The following CCDC68 variants were observed in gnomAD, a reference collection of about 807,000 sequenced individuals.
The protein encoded by CCDC68 is coiled-coil domain-containing protein 68.
In CCDC68, 45 loss-of-function variants were observed where a neutral mutation model predicts 47.1. The ratio of observed to expected loss-of-function variants is 0.96; its 90% CI spans 0.75 to 1.23. The LOEUF is 1.23. CCDC68 is among the 50% of genes most tolerant of loss of function. CCDC68 has a pLI of 0.00. For synonymous variants in CCDC68, 131 were observed against 129.5 expected, an observed-to-expected ratio of 1.01 and a Z score of -0.08; for missense variants, 353 against 373.6, an observed-to-expected ratio of 0.94 and a Z score of 0.45.
chr18:54,930,622 T>TCCCCCCCCCCCCCC (rs1568147318), intron 7 of CCDC68, among the ~76,000 whole-genome samples: 1 of 41,642 alleles, frequency 2.4e-5, no homozygotes, highest in Non-Finnish European at 4.8e-5. Context: ...TTCCCTTCCC[T>TCCCCCCCCCCCCCC]TCCCCTCCCT....
intron 9 of CCDC68, 108 bp downstream of exon 9, chr18:54,919,163 G>A (rs1210546639): frequency 3.7e-6 from 3 of 811,978 alleles, no homozygotes; most frequent in Admixed American, 1.8e-5. Flanking sequence ...GGATATGTCA[G>A]TAGGGAGAGA....
At chr18:54,912,675 G>A (rs992819436) in intron 10 of CCDC68, among the ~76,000 whole-genome samples, 5 of 152,062 alleles carry the variant, frequency 3.3e-5, no homozygotes, top group Non-Finnish European at 7.4e-5. Context: ...CAGTGTATTA[G>A]TCTGTACTGA....
chr18:54,931,404 G>T (rs2044258714), intron 7 of CCDC68, among the ~76,000 whole-genome samples: 1 of 152,208 alleles, frequency 6.6e-6, no homozygotes, highest in African/African-American at 2.4e-5. Context: ...TCCCTCACCA[G>T]GCTGATCGGA....
rs1390653583 is a variant in CCDC68, at chr18:54,919,336, G to T, written c.724C>A (p.Gln242Lys). 2 of 1,614,048 alleles carry T rather than the reference G, an allele frequency of 1.2e-6. No homozygotes were observed. Among genetic ancestry groups the T allele is most frequent in the South Asian group, 2.2e-5 (2 of 91,080 alleles). The change falls in exon 9 of 12, where the codon CAG becomes AAG. Residue 242 changes from glutamine to lysine, a missense_variant. By Grantham distance (53) the Gln-to-Lys change is moderately conservative. Transcript: ENST00000591504. ...ATCACAAACTGCAGATGAGAGATCT[G>T]CTCCTGGAGAATGGAAATCTCCCTC... is the stretch of plus-strand genomic sequence containing the variant. ...LQREISILQEQISHLQFVIHS... is the reference protein window; with the variant it reads ...LQREISILQEKISHLQFVIHS...
At chr18:54,937,890 T>G in intron 5 of CCDC68, 67 bp downstream of exon 5, 2 of 1,422,276 alleles carry the variant, frequency 1.4e-6, no homozygotes, top group Non-Finnish European at 1.9e-6. Flanking sequence ...GAGCCACAGA[T>G]GCTAACAACC....
Position 54,931,716 on chromosome 18 carries a change from T to C in CCDC68, c.601-2834A>G, listed in dbSNP as rs141737745. Among the ~76,000 whole-genome samples, 377 of 152,318 alleles carry C rather than the reference T, an allele frequency of 2.5e-3. 4 individuals are homozygous for C. Among genetic ancestry groups the C allele is most frequent in the East Asian group, 0.017 (88 of 5,190 alleles). ...CTGCTAGCAAACGGAACATATGCCA[T>C]ATTAAAATGCTCTTATTGGGCATTT... On this transcript the variant is annotated intron_variant, in intron 7 of 11. Transcript: ENST00000591504.
chr18:54,953,019 A>C lies in CCDC68; in HGVS notation c.-103+6317T>G, dbSNP rs550993863. On this transcript the variant is annotated intron_variant, in intron 1 of 11. Transcript: ENST00000591504. ...CAGAGTGAGACTCTGTTTCAAAAAAAAAAAAGGAATGTATTACGGATACAC... is the reference window on the plus strand; with the variant it reads ...CAGAGTGAGACTCTGTTTCAAAAAACAAAAAGGAATGTATTACGGATACAC... Among the ~76,000 whole-genome samples, 8 of 152,328 alleles carry C rather than the reference A, an allele frequency of 5.3e-5. No homozygotes were observed. In the East Asian group the frequency reaches 1.4e-3, roughly 26 times the overall value.
chr18:54,953,801 T>G (rs1323608471), intron 1 of CCDC68, among the ~76,000 whole-genome samples: 2 of 152,138 alleles, frequency 1.3e-5, no homozygotes, highest in Admixed American at 1.3e-4. Context: ...TCCAACAAGC[T>G]TTAAATCTAA....
At chr18:54,952,587 A>G (rs1233688147) in intron 1 of CCDC68, among the ~76,000 whole-genome samples, 1 of 152,212 alleles carries the variant, frequency 6.6e-6, no homozygotes, top group Admixed American at 6.5e-5. Flanking sequence ...ACAACCCAGA[A>G]ACCCCATGCC....
At chr18:54,951,890 T>C (rs1317015288) in intron 1 of CCDC68, among the ~76,000 whole-genome samples, 5 of 152,234 alleles carry the variant, frequency 3.3e-5, no homozygotes, top group East Asian at 3.9e-4. Flanking sequence ...TGGAAAATCA[T>C]TTAAACTCCC....
In CCDC68 at chr18:54,917,999, A is replaced by G. The variant is rs1377469136; in HGVS notation, c.790-3T>C. The stretch of plus-strand genomic sequence containing the variant: ...AAATTATTTTTTAATCCTTCCATCT[A>G]AGAATTAGAAAACACAATAGGAAAA... On this transcript the variant is annotated splice_polypyrimidine_tract_variant and splice_region_variant and intron_variant, in intron 9 of 11. Transcript: ENST00000591504. The G allele has an allele frequency of 1.5e-6, 2 of 1,317,988 alleles. No homozygotes were observed. Among genetic ancestry groups the G allele is most frequent in the African/African-American group, 1.5e-5 (1 of 68,320 alleles). The allele number at this position is 1,317,988 out of a possible 1,614,324, so 81.6% of individuals were successfully genotyped here.
intron 10 of CCDC68, among the ~76,000 whole-genome samples, chr18:54,909,553 C>G (rs1357783911): frequency 6.6e-6 from 1 of 152,298 alleles, no homozygotes; most frequent in African/African-American, 2.4e-5. Flanking sequence ...TTCACTCAGC[C>G]TGGCAGGCTG....
chr18:54,936,215 TATATATCTATATATTTTTAAAAA>T (rs941420574), intron 6 of CCDC68, among the ~76,000 whole-genome samples: 9 of 129,906 alleles, frequency 6.9e-5, no homozygotes, highest in African/African-American at 2.8e-4. Context: ...TATAGATAAA[TATATATCTATATATTTTTAAAAA>T]ATATATAGTT....
Position 54,928,791 on chromosome 18 carries a change from T to A in CCDC68, c.683+9A>T. ...GAACTGCCTTTACTTAACAGGTAGC[T>A]TCACAAACCTTTTTCCATATGTAGC... is the stretch of plus-strand genomic sequence containing the variant. On this transcript the variant is annotated intron_variant, in intron 8 of 11. Coordinates refer to ENST00000591504, the MANE Select transcript of CCDC68 (RefSeq NM_025214.3). 6.3e-7 allele frequency: 1 copy of A among 1,594,756 alleles called. No individual in the cohort carries two copies. The highest frequency in any genetic ancestry group is 8.6e-7 in the Non-Finnish European group (1 of 1,162,776).
At position 54,918,639 on chromosome 18, in the gene CCDC68, A is replaced by G. The variant is rs546594534; in HGVS notation, c.789+632T>C. 1.4e-4 allele frequency among the ~76,000 whole-genome samples: 22 copies of G among 152,346 alleles called. No individual in the cohort carries two copies. The South Asian group carries it at 3.3e-3, about 23-fold the overall frequency. On this transcript the variant is annotated intron_variant, in intron 9 of 11. Coordinates refer to ENST00000591504, the MANE Select transcript of CCDC68 (RefSeq NM_025214.3). Reference sequence around the variant, plus strand: ...CTTTTAGTGATGTCATAGCCAAGCAAGCACAAATGCTATATCTATGTGAGG... The same window carrying G: ...CTTTTAGTGATGTCATAGCCAAGCAGGCACAAATGCTATATCTATGTGAGG...
intron 8 of CCDC68, among the ~76,000 whole-genome samples, chr18:54,923,683 C>T (rs1196662765): frequency 6.6e-6 from 1 of 151,374 alleles, no homozygotes; most frequent in Non-Finnish European, 1.5e-5. Context: ...TTCTTTTGAG[C>T]TTTGTTATTT....
intron 10 of CCDC68, among the ~76,000 whole-genome samples, chr18:54,908,908 C>T (rs531835458): frequency 6.6e-6 from 1 of 152,250 alleles, no homozygotes; most frequent in Admixed American, 6.5e-5. Context: ...CAGGGTTTCA[C>T]CAAGTTGCTC....
At chr18:54,936,747 T>C (rs2044355391) in intron 6 of CCDC68, 86 bp downstream of exon 6, 8 of 1,542,658 alleles carry the variant, frequency 5.2e-6, no homozygotes, top group Non-Finnish European at 7.1e-6. Context: ...CATTGCTTGT[T>C]TCATTTCTAA....
At chr18:54,910,145 G>A (rs968971718) in intron 10 of CCDC68, among the ~76,000 whole-genome samples, 3 of 152,206 alleles carry the variant, frequency 2.0e-5, no homozygotes, top group African/African-American at 7.2e-5. Flanking sequence ...CCTGACAAGT[G>A]TCCAGCTCCT....
Sources: gnomAD v4.1 joint callset for allele counts (sites outside exome capture counted in the v4.1 genomes callset) on GRCh38, gnomAD v4.1.1 for gene constraint, MANE v1.5 for transcripts, NCBI Gene and HGNC (gene_info 2026-07-23, HGNC 2026-07-21) for gene names.